Variants in PPP6R2 observed in about 807,000 individuals in gnomAD.
PPP6R2 encodes serine/threonine-protein phosphatase 6 regulatory subunit 2.
In PPP6R2, 62 loss-of-function variants were observed where a neutral mutation model predicts 100.2. The ratio of observed to expected loss-of-function variants is 0.62; its 90% confidence interval spans 0.50 to 0.76. PPP6R2 has a LOEUF of 0.76. PPP6R2 is among the 30% of genes least tolerant of loss of function. PPP6R2 has a pLI of 0.00. For missense variants in PPP6R2, 1,142 were observed against 1,276.3 expected (o/e 0.89, Z 1.60); for synonymous variants, 525 against 514.7 (o/e 1.02, Z -0.27).
chr22:50,362,739 A>G (rs1484397759), intron 1 of PPP6R2, among the ~76,000 whole-genome samples: 1 of 152,202 alleles, frequency 6.6e-6, no homozygotes, highest in African/African-American at 2.4e-5. Context: ...AAGATACACC[A>G]GAGAGCTTGC....
chr22:50,337,220 G>T, the PPP6R2 span, among the ~76,000 whole-genome samples: 1 of 145,516 alleles, frequency 6.9e-6, no homozygotes, highest in African/African-American at 2.5e-5. Flanking sequence ...TGTGTGTGGG[G>T]TATGTGTGTG....
At chr22:50,369,782 A>T (rs1286139498) in intron 1 of PPP6R2, among the ~76,000 whole-genome samples, 1 of 152,124 alleles carries the variant, frequency 6.6e-6, no homozygotes, top group Non-Finnish European at 1.5e-5. Flanking sequence ...CTGGGATTAC[A>T]GGTGTGAGCC....
At chr22:50,340,680 G>C (rs966118549), upstream of PPP6R2, among the ~76,000 whole-genome samples, 1 of 151,732 alleles carries the variant, frequency 6.6e-6, no homozygotes, top group Non-Finnish European at 1.5e-5. Flanking sequence ...GTGCAGTCAA[G>C]GTCCCAGAGG....
At chr22:50,340,871 G>T (rs2042363721), upstream of PPP6R2, among the ~76,000 whole-genome samples, 1 of 151,902 alleles carries the variant, frequency 6.6e-6, no homozygotes, top group Admixed American at 6.6e-5. Flanking sequence ...TGTGAGGCAA[G>T]AGCTCCTAGG....
intron 18 of PPP6R2, 131 bp downstream of exon 18, chr22:50,438,429 A>G (rs937476103): frequency 1.4e-6 from 2 of 1,476,660 alleles, no homozygotes; most frequent in Admixed American, 4.2e-5. Context: ...TCTGGGGCCC[A>G]ATGCAGCGGG....
At chr22:50,428,000 G>A (rs906970115) in intron 10 of PPP6R2, among the ~76,000 whole-genome samples, 8 of 151,910 alleles carry the variant, frequency 5.3e-5, no homozygotes, top group East Asian at 1.9e-4. Flanking sequence ...GATTATAGGC[G>A]TGAGCCACCA....
At chr22:50,357,236 T>G (rs1019710365) in intron 1 of PPP6R2, among the ~76,000 whole-genome samples, 1 of 152,196 alleles carries the variant, frequency 6.6e-6, no homozygotes, top group Non-Finnish European at 1.5e-5. Flanking sequence ...TTTTATTCAC[T>G]TTTAGGAGTT....
intron 8 of PPP6R2, among the ~76,000 whole-genome samples, chr22:50,420,920 ACT>A (rs2061247123): frequency 6.6e-6 from 1 of 152,102 alleles, no homozygotes; most frequent in African/African-American, 2.4e-5. Flanking sequence ...ACGATGTCTA[ACT>A]CTCCCAAGGT....
At position 50,439,981 on chromosome 22, in the gene PPP6R2, G is replaced by A. The variant is rs1233957070; in HGVS notation, c.2306G>A (p.Cys769Tyr). 6.2e-7 allele frequency: 1 copy of A among 1,613,586 alleles called. No homozygotes were observed. Among genetic ancestry groups the A allele is most frequent in the South Asian group, 1.1e-5 (1 of 91,070 alleles). The change falls in exon 21 of 24, where the codon TGC (cysteine) becomes TAC (tyrosine). Residue 769 changes from cysteine (C) to tyrosine (Y), a missense_variant. Around this residue, in one of 2 missense-constraint regions of PPP6R2, gnomAD observed 550 missense variants for 517.4 expected, o/e 1.06. Coordinates refer to ENST00000612753, the MANE Select transcript of PPP6R2 (RefSeq NM_001242898.2). ...PFCCSESGPR[C>Y]SSPVDTECSH... The stretch of plus-strand genomic sequence containing the variant: ...TGCAGCTCCGAGTCAGGGCCCAGGT[G>A]CAGCTCTCCGGTGGACACAGAATGC...
chr22:50,334,782 A>G, the PPP6R2 span, among the ~76,000 whole-genome samples: 3 of 152,080 alleles, frequency 2.0e-5, no homozygotes, highest in South Asian at 6.2e-4. Context: ...CCTGGCAAAC[A>G]TGGTGAAACT....
chr22:50,439,323 C>T (rs1330723510), intron 19 of PPP6R2, among the ~76,000 whole-genome samples: 2 of 152,144 alleles, frequency 1.3e-5, no homozygotes, highest in East Asian at 3.9e-4. Flanking sequence ...GAGGAAGACA[C>T]CCCATCCTCG....
chr22:50,339,527 G>GGTGTGTGGTGT (rs533969795), upstream of PPP6R2, among the ~76,000 whole-genome samples: 3 of 110,452 alleles, frequency 2.7e-5, no homozygotes, highest in Admixed American at 9.3e-5. Flanking sequence ...TGTGGTATGT[G>GGTGTGTGGTGT]GTGTGTGGTG....
Position 50,444,079 on chromosome 22 carries a change from A to C in PPP6R2, c.2793A>C (p.Pro931=). 3.1e-6 allele frequency: 5 copies of C among 1,612,810 alleles called. No homozygotes were observed. Among genetic ancestry groups the C allele is most frequent in the Non-Finnish European group, 4.2e-6 (5 of 1,179,324 alleles). Residue 931 remains proline, a synonymous_variant, in exon 23 of 24, where the codon CCA becomes CCC. Transcript: ENST00000612753. ...CCATCATGGCAGTCACAGCAGCCCCAGCCATGGTGGCCACCCTGGGGACAG... is the reference window on the plus strand; with the variant it reads ...CCATCATGGCAGTCACAGCAGCCCCCGCCATGGTGGCCACCCTGGGGACAG... The part of the protein sequence containing the change: ...LGPIMAVTAA[P]AMVATLGTVT...
At chr22:50,441,149 C>T (rs2065494362) in intron 22 of PPP6R2, 123 bp downstream of exon 22, 1 of 885,382 alleles carries the variant, frequency 1.1e-6, no homozygotes, top group Non-Finnish European at 1.7e-6. Context: ...TCCACACTGC[C>T]TCCCCCATGG....
Position 50,439,682 on chromosome 22 carries a change from T to A in PPP6R2, c.2129-19T>A, listed in dbSNP as rs766961249. ...CCCAGGCCTGCCCACGCCTGACCAC[T>A]GTGTCTCTCCCCCAGCAGGCGCCAT... On this transcript the variant is annotated intron_variant, in intron 19 of 23. Transcript: ENST00000612753. 1.3e-6 allele frequency: 2 copies of A among 1,556,470 alleles called. No homozygotes were observed. Among genetic ancestry groups the A allele is most frequent in the Non-Finnish European group, 1.7e-6 (2 of 1,148,542 alleles).
the PPP6R2 span, among the ~76,000 whole-genome samples, chr22:50,333,183 A>T: frequency 6.6e-6 from 1 of 152,096 alleles, no homozygotes; most frequent in Admixed American, 6.6e-5. Context: ...TAAAAAAATC[A>T]ATCGATGATA....
At chr22:50,417,064 A>G (rs2060644587) in intron 6 of PPP6R2, among the ~76,000 whole-genome samples, 2 of 152,120 alleles carry the variant, frequency 1.3e-5, no homozygotes, top group African/African-American at 4.8e-5. Flanking sequence ...TTTTACCTGT[A>G]GCAGTATCAG....
chr22:50,433,030 T>C (rs2063466050), intron 12 of PPP6R2, among the ~76,000 whole-genome samples: 1 of 152,242 alleles, frequency 6.6e-6, no homozygotes, highest in African/African-American at 2.4e-5. Context: ...CTGCCTCCAT[T>C]TCCCTGTCTG....
At chr22:50,403,564 G>A (rs948382648) in intron 3 of PPP6R2, among the ~76,000 whole-genome samples, 24 of 152,272 alleles carry the variant, frequency 1.6e-4, no homozygotes, top group Admixed American at 1.4e-3. Flanking sequence ...TAGTGAGGTC[G>A]GCTAGTGAGG....
Sources: gnomAD v4.1 joint callset for allele counts (sites outside exome capture counted in the v4.1 genomes callset) on GRCh38, gnomAD v4.1.1 for gene constraint, gnomAD v4.1.1 regional missense constraint, MANE v1.5 for transcripts, NCBI Gene and HGNC (gene_info 2026-07-23, HGNC 2026-07-21) for gene names.